Variants in CUX1 observed in about 807,000 individuals in gnomAD.
CUX1 encodes cut like homeobox 1.
In CUX1, 31 loss-of-function variants were observed where a neutral mutation model predicts 158.8. The ratio of observed to expected loss-of-function variants is 0.20; its 90% CI spans 0.15 to 0.26. The LOEUF is 0.26. CUX1 is among the 10% of genes least tolerant of loss of function. The pLI is 1.00. For missense variants in CUX1, 1,589 were observed against 2,014.6 expected (o/e 0.79, Z 4.04); for synonymous variants, 879 against 862.1 (o/e 1.02, Z -0.34).
intron 3 of CUX1, among the ~76,000 whole-genome samples, chr7:102,036,715 C>T (rs405725): frequency 0.022 from 3,392 of 150,928 alleles, 67 homozygotes; most frequent in Non-Finnish European, 0.035. Flanking sequence ...GCAGTCCAGC[C>T]TGGCCCACAG....
chr7:101,855,605 C>T (rs748377779), intron 1 of CUX1, among the ~76,000 whole-genome samples: 4 of 152,126 alleles, frequency 2.6e-5, no homozygotes, highest in South Asian at 2.1e-4. Flanking sequence ...TAAGGCCGGG[C>T]GCGGTGGCTC....
At chr7:102,049,375 T>G (rs936686082) in intron 3 of CUX1, among the ~76,000 whole-genome samples, 3 of 152,166 alleles carry the variant, frequency 2.0e-5, no homozygotes, top group African/African-American at 4.8e-5. Context: ...CCCAGAGAGA[T>G]CAAGTAACTT....
intron 1 of CUX1, among the ~76,000 whole-genome samples, chr7:101,860,294 T>C (rs1797304705): frequency 1.3e-5 from 2 of 152,198 alleles, no homozygotes; most frequent in African/African-American, 2.4e-5. Context: ...TTCCAAACTA[T>C]TGGCCTGTCT....
rs550460565 is a variant in CUX1, at chr7:101,947,407, G to A, written c.141+31182G>A. ...ACTCCGTCTCAAAAAAACAAAAACCGAAAAAACCACCTCACTATTCTAGGC... is the reference window on the plus strand; with the variant it reads ...ACTCCGTCTCAAAAAAACAAAAACCAAAAAAACCACCTCACTATTCTAGGC... On this transcript the variant is annotated intron_variant, in intron 2 of 23. Transcript: ENST00000292535. Among the ~76,000 whole-genome samples, 37 of 152,170 alleles carry A rather than the reference G, an allele frequency of 2.4e-4. 1 individual carries two copies. Among genetic ancestry groups the A allele is most frequent in the African/African-American group, 7.0e-4 (29 of 41,548 alleles).
At chr7:102,058,474 G>C (rs904529913) in intron 3 of CUX1, among the ~76,000 whole-genome samples, 3 of 151,846 alleles carry the variant, frequency 2.0e-5, no homozygotes, top group African/African-American at 7.3e-5. Flanking sequence ...GTAGAGACAG[G>C]GTTTCACGAT....
Position 102,202,025 on chromosome 7 carries a change from C to T in CUX1, c.2728C>T (p.Pro910Ser), listed in dbSNP as rs1554519972. ...ASRSETPQNS[P>S]LPSSPIVPMS... ...CCGCAGCGAGACACCACAGAACAGC[C>T]CCCTGCCATCCTCCCCGATCGTGCC... is the stretch of plus-strand genomic sequence containing the variant. Residue 910 changes from proline to serine, a missense_variant, in exon 18 of 24, where the codon CCC becomes TCC. Transcript: ENST00000292535. 6.2e-7 allele frequency: 1 copy of T among 1,614,080 alleles called. No homozygotes were observed. The highest frequency in any genetic ancestry group is 1.7e-5 in the Admixed American group (1 of 60,010).
chr7:102,217,988 A>G (rs966230632), intron 20 of CUX1, among the ~76,000 whole-genome samples: 4 of 152,188 alleles, frequency 2.6e-5, no homozygotes, highest in African/African-American at 9.7e-5. Context: ...GATGGACACG[A>G]TGGTGTCTCC....
In CUX1 at chr7:102,248,846, C is replaced by T. The variant is rs1554538310; in HGVS notation, c.4322C>T (p.Pro1441Leu). The T allele has an allele frequency of 7.9e-7, 1 of 1,258,084 alleles. No individual in the cohort carries two copies. 77.9% of individuals were successfully genotyped at this position (1,258,084 alleles called of 1,614,324 possible). A position where few individuals can be genotyped will look rare whatever the true frequency, so the allele number is the denominator to read the frequency against. The change falls in exon 24 of 24, where the codon CCC becomes CTC. Residue 1441 changes from proline (P) to leucine (L), a missense_variant. Pro to Leu is a moderately conservative substitution (Grantham distance 98). Around this residue, in one of 8 missense-constraint regions of CUX1, gnomAD observed 344 missense variants for 323.7 expected, o/e 1.06. Transcript: ENST00000292535. The surrounding 1 kb of genome is among the most constrained non-coding windows in gnomAD (Gnocchi z 5.8). ...GCGGCCCCGAGCTCCGCGCCGCCGCCCAGCAACAGCAGCAGCAGCAGCGCC... is the reference window on the plus strand; with the variant it reads ...GCGGCCCCGAGCTCCGCGCCGCCGCTCAGCAACAGCAGCAGCAGCAGCGCC... Reference protein sequence around the residue: ...GPAAPSSAPPPSNSSSSSAPR... With the variant: ...GPAAPSSAPPLSNSSSSSAPR...
chr7:101,904,326 A>T (rs538726864), intron 1 of CUX1, among the ~76,000 whole-genome samples: 1 of 152,234 alleles, frequency 6.6e-6, no homozygotes, highest in South Asian at 2.1e-4. Context: ...GTATGTTTAT[A>T]TACTGAGAAA....
rs573354918 is a variant in CUX1, at chr7:101,869,017, C to T, written c.31-47098C>T. On this transcript the variant is annotated intron_variant, in intron 1 of 23. Transcript: ENST00000292535. The surrounding 1 kb of genome is among the most constrained non-coding windows in gnomAD (Gnocchi z 4.5). The stretch of plus-strand genomic sequence containing the variant: ...ATGATCTGGGCCATGCCCTGGGAGA[C>T]GCTTCCGCAGGAGATGGTGCGGCTG... Among the ~76,000 whole-genome samples, 3 of 152,166 alleles carry T rather than the reference C, an allele frequency of 2.0e-5. No individual in the cohort carries two copies. The highest frequency in any genetic ancestry group is 2.9e-5 in the Non-Finnish European group (2 of 68,026).
intron 2 of CUX1, among the ~76,000 whole-genome samples, chr7:101,931,273 C>T (rs1423608887): frequency 6.6e-6 from 1 of 152,164 alleles, no homozygotes; most frequent in Non-Finnish European, 1.5e-5. Flanking sequence ...TTCATGTGTG[C>T]AGCAAATATT....
intron 2 of CUX1, among the ~76,000 whole-genome samples, chr7:102,009,863 C>T (rs553937598): frequency 6.6e-6 from 1 of 152,332 alleles, no homozygotes; most frequent in East Asian, 1.9e-4. Context: ...ACGTTCTTGC[C>T]ATTTAAAAGA....
chr7:102,232,916 C>G (rs1256888363), intron 21 of CUX1, among the ~76,000 whole-genome samples: 2 of 152,212 alleles, frequency 1.3e-5, no homozygotes, highest in Admixed American at 6.5e-5. Context: ...CGGCCGGCCT[C>G]TCAGAAAAGC....
chr7:101,973,062 C>T (rs1030661270), intron 2 of CUX1, among the ~76,000 whole-genome samples: 2 of 152,200 alleles, frequency 1.3e-5, no homozygotes, highest in African/African-American at 2.4e-5. Flanking sequence ...CCGAAATCCC[C>T]GCATGCACCT....
intron 8 of CUX1, among the ~76,000 whole-genome samples, chr7:102,134,206 G>T (rs1833644482): frequency 1.3e-5 from 2 of 152,044 alleles, no homozygotes; most frequent in South Asian, 4.1e-4. Context: ...GAGTGGTGGT[G>T]GGCACCTGTA....
intron 1 of CUX1, among the ~76,000 whole-genome samples, chr7:101,877,757 TGTGTGTGTGTGTGTG>T (rs990634879): frequency 5.2e-3 from 3 of 576 alleles, no homozygotes; most frequent in Admixed American, 0.028. Flanking sequence ...TCCCTCCAAT[TGTGTGTGTGTGTGTG>T]TGTGTGTGTG....
intron 10 of CUX1, among the ~76,000 whole-genome samples, chr7:102,172,011 A>C (rs781890386): frequency 6.6e-6 from 1 of 152,244 alleles, no homozygotes; most frequent in Non-Finnish European, 1.5e-5. Context: ...GTACAGTCTC[A>C]TCAGAAGAAC....
intron 2 of CUX1, among the ~76,000 whole-genome samples, chr7:101,947,886 G>C (rs1466481735): frequency 6.6e-6 from 1 of 152,172 alleles, no homozygotes; most frequent in African/African-American, 2.4e-5. Context: ...AGGAATTGTT[G>C]ACCCTAGCCA....
chr7:102,060,771 C>T (rs548074635), intron 3 of CUX1, among the ~76,000 whole-genome samples: 2 of 151,814 alleles, frequency 1.3e-5, no homozygotes, highest in East Asian at 1.9e-4. Flanking sequence ...TGCCACCACA[C>T]CTGGCTGATT....
Sources: allele counts gnomAD v4.1 joint callset (sites outside exome capture counted in the v4.1 genomes callset), GRCh38; gene constraint gnomAD v4.1.1; regional missense constraint gnomAD v4.1.1; non-coding constraint Gnocchi (gnomAD v3.1); transcripts MANE v1.5; gene names NCBI Gene and HGNC (gene_info 2026-07-23, HGNC 2026-07-21).